Variants in FAM227B observed in about 807,000 individuals in gnomAD.
FAM227B encodes protein FAM227B.
A neutral mutation model predicts 73.8 loss-of-function variants in FAM227B; 88 were observed. The ratio of observed to expected loss-of-function variants is 1.19; its 90% CI spans 1.00 to 1.42. The LOEUF (loss-of-function observed/expected upper bound fraction) is 1.42, where lower values mean the gene tolerates loss of function less well. FAM227B is among the 40% of genes most tolerant of loss of function. The pLI is 0.00. For missense variants in FAM227B, 632 were observed against 590.9 expected (o/e 1.07, Z -0.72); for synonymous variants, 210 against 190.5 (o/e 1.10, Z -0.84).
chr15:49,472,122 T>C (rs1365843727), intron 11 of FAM227B, among the ~76,000 whole-genome samples: 2 of 151,638 alleles, frequency 1.3e-5, no homozygotes, highest in Non-Finnish European at 2.9e-5. Flanking sequence ...ACTGAAAAAA[T>C]AGGCTCCTGG....
At chr15:49,543,659 C>G (rs2071396276) in intron 9 of FAM227B, among the ~76,000 whole-genome samples, 1 of 152,072 alleles carries the variant, frequency 6.6e-6, no homozygotes, top group Non-Finnish European at 1.5e-5. Flanking sequence ...AGTCTTTGAG[C>G]CATCTTCAGT....
chr15:49,327,245 G>A lies in FAM227B; in HGVS notation c.*1323C>T, dbSNP rs2037663539. ...TATCTCATCTGATGTCAACTTCTGA[G>A]TCCAATAATCAGACTAGCTCCAGAA... On this transcript the variant is annotated 3_prime_UTR_variant, in exon 16 of 16. Transcript: ENST00000299338. The A allele has an allele frequency of 6.6e-6, 1 of 152,186 alleles. No individual in the cohort carries two copies. Among genetic ancestry groups the A allele is most frequent in the South Asian group, 2.1e-4 (1 of 4,828 alleles). The allele number at this position is 152,186 out of a possible 1,614,324, so 9.4% of individuals were successfully genotyped here. A position where few individuals can be genotyped will look rare whatever the true frequency, so the allele number is the denominator to read the frequency against.
chr15:49,331,492 A>T, intron 15 of FAM227B: 1 of 326,636 alleles, frequency 3.1e-6, no homozygotes, highest in Non-Finnish European at 5.6e-6. Flanking sequence ...TACAATTTTA[A>T]ACATCAGTGA....
intron 13 of FAM227B, among the ~76,000 whole-genome samples, chr15:49,363,765 C>G (rs2044654488): frequency 6.6e-6 from 1 of 151,956 alleles, no homozygotes; most frequent in African/African-American, 2.4e-5. Context: ...ATAGATGGCT[C>G]TTATTATTTT....
intron 11 of FAM227B, among the ~76,000 whole-genome samples, chr15:49,376,155 T>C (rs1338187378): frequency 8.5e-5 from 13 of 152,086 alleles, no homozygotes; most frequent in Non-Finnish European, 1.9e-4. Context: ...ATTTATTTAT[T>C]TTTAATTTTG....
At chr15:49,613,687 CTGATA>C (rs1278520259) in intron 2 of FAM227B, among the ~76,000 whole-genome samples, 33 of 151,970 alleles carry the variant, frequency 2.2e-4, no homozygotes, top group Admixed American at 5.9e-4. Flanking sequence ...CCCACTTACT[CTGATA>C]TAATTATTAT....
At chr15:49,356,745 CTACAGAACTCT>C (rs1429888145) in intron 13 of FAM227B, among the ~76,000 whole-genome samples, 1 of 45,424 alleles carries the variant, frequency 2.2e-5, no homozygotes, top group Admixed American at 2.3e-4. Flanking sequence ...TAATAGACAT[CTACAGAACTCT>C]CCACCCCAAA....
intron 9 of FAM227B, among the ~76,000 whole-genome samples, chr15:49,558,461 T>G (rs1305803344): frequency 6.6e-6 from 1 of 152,148 alleles, no homozygotes; most frequent in African/African-American, 2.4e-5. Context: ...AGCTGAGGGA[T>G]CTTCCCCTCC....
chr15:49,410,884 T>C (rs78046194), intron 11 of FAM227B, among the ~76,000 whole-genome samples: 3,616 of 151,572 alleles, frequency 0.024, 86 homozygotes, highest in South Asian at 0.13. Flanking sequence ...GATAAACAAG[T>C]AGAAAATTAA....
At chr15:49,550,617 G>GT (rs2072828608) in intron 9 of FAM227B, among the ~76,000 whole-genome samples, 1 of 152,144 alleles carries the variant, frequency 6.6e-6, no homozygotes, top group South Asian at 2.1e-4. Context: ...TCACGGCCGG[G>GT]TAGAGGCGCT....
intron 13 of FAM227B, among the ~76,000 whole-genome samples, chr15:49,346,244 G>A (rs1347300491): frequency 1.3e-5 from 2 of 152,112 alleles, no homozygotes; most frequent in East Asian, 1.9e-4. Flanking sequence ...CTGGGCCTGC[G>A]CAAGTGCGCA....
chr15:49,493,888 A>ATGTG (rs1555506655), intron 11 of FAM227B, among the ~76,000 whole-genome samples: 3 of 148,832 alleles, frequency 2.0e-5, no homozygotes, highest in African/African-American at 7.4e-5. Flanking sequence ...ATATATATAT[A>ATGTG]TGTGTGTGTG....
intron 11 of FAM227B, among the ~76,000 whole-genome samples, chr15:49,497,910 G>C (rs2057766388): frequency 6.6e-6 from 1 of 152,172 alleles, no homozygotes; most frequent in Non-Finnish European, 1.5e-5. Flanking sequence ...CCTAACCATT[G>C]CTTGCTATTT....
chr15:49,421,228 T>C (rs1265868809), intron 11 of FAM227B, among the ~76,000 whole-genome samples: 1 of 152,224 alleles, frequency 6.6e-6, no homozygotes, highest in Non-Finnish European at 1.5e-5. Context: ...AGAATTCATT[T>C]AGAAGCATAA....
chr15:49,458,295 G>A (rs1192382544), intron 11 of FAM227B, among the ~76,000 whole-genome samples: 3 of 151,876 alleles, frequency 2.0e-5, no homozygotes, highest in Non-Finnish European at 4.4e-5. Flanking sequence ...CCCCCCACGT[G>A]CCAAATAGTA....
chr15:49,383,796 C>T (rs1451861073), intron 11 of FAM227B, among the ~76,000 whole-genome samples: 3 of 151,992 alleles, frequency 2.0e-5, no homozygotes, highest in Non-Finnish European at 2.9e-5. Flanking sequence ...CAAAGAAATG[C>T]TGATATGCTA....
chr15:49,443,983 C>T (rs191237688), intron 11 of FAM227B, among the ~76,000 whole-genome samples: 1 of 151,716 alleles, frequency 6.6e-6, no homozygotes, highest in Non-Finnish European at 1.5e-5. Context: ...AACTGGAACA[C>T]TTTTGAGAGT....
chr15:49,337,293 A>AT (rs1441144784), intron 13 of FAM227B, among the ~76,000 whole-genome samples: 1 of 152,152 alleles, frequency 6.6e-6, no homozygotes, highest in Non-Finnish European at 1.5e-5. Context: ...GGCTGAACTA[A>AT]TTTACGTTCC....
At position 49,589,769 on chromosome 15, in the gene FAM227B, G is replaced by C; in HGVS notation, c.337+7C>G. 6.7e-7 allele frequency: 1 copy of C among 1,501,448 alleles called. No homozygotes were observed. Among genetic ancestry groups the C allele is most frequent in the Non-Finnish European group, 9.2e-7 (1 of 1,082,266 alleles). The allele number at this position is 1,501,448 out of a possible 1,614,324, so 93.0% of individuals were successfully genotyped here. ...TTCTATAAAAGATAAAAATAAATAA[G>C]GCTCACTTGTCTCAGAAATCATGCT... On this transcript the variant is annotated splice_region_variant and intron_variant, in intron 4 of 15. Coordinates refer to ENST00000299338, the MANE Select transcript of FAM227B (RefSeq NM_152647.3).
Sources: allele counts gnomAD v4.1 joint callset (sites outside exome capture counted in the v4.1 genomes callset), GRCh38; gene constraint gnomAD v4.1.1; transcripts MANE v1.5; gene names NCBI Gene and HGNC (gene_info 2026-07-23, HGNC 2026-07-21).